The following USP47 variants were observed in gnomAD, a reference collection of about 807,000 sequenced individuals.
USP47 encodes the protein ubiquitin specific peptidase 47.
In USP47, 35 loss-of-function variants were observed where a neutral mutation model predicts 165.1. The ratio of observed to expected loss-of-function variants is 0.21; its 90% CI spans 0.16 to 0.28. USP47 has a LOEUF of 0.28. Among genes scored for constraint, USP47 ranks in the 10% least tolerant of loss-of-function variants. The pLI is 1.00. For missense variants in USP47, 1,277 were observed against 1,607.4 expected, an observed-to-expected ratio of 0.79 and a Z score of 3.52; for synonymous variants, 531 against 544.5, an observed-to-expected ratio of 0.98 and a Z score of 0.35.
chr11:11,955,202 A>C, intron 27 of USP47, 38 bp downstream of exon 27: 1 of 1,599,682 alleles, frequency 6.3e-7, no homozygotes, highest in East Asian at 2.2e-5. Flanking sequence ...TTAGTAATAC[A>C]TTTTTGGCGT....
chr11:11,847,812 G>A (rs1253901645), intron 1 of USP47, among the ~76,000 whole-genome samples: 1 of 152,150 alleles, frequency 6.6e-6, no homozygotes, highest in East Asian at 1.9e-4. Context: ...AAACAGATGA[G>A]ATTAAGATTT....
intron 8 of USP47, among the ~76,000 whole-genome samples, chr11:11,911,642 A>G (rs1166093314): frequency 1.3e-5 from 2 of 152,186 alleles, no homozygotes; most frequent in African/African-American, 2.4e-5. Flanking sequence ...GGAAAAAGAC[A>G]AATCTACAAT....
intron 1 of USP47, among the ~76,000 whole-genome samples, chr11:11,872,015 T>C (rs1414009528): frequency 6.6e-6 from 1 of 152,234 alleles, no homozygotes; most frequent in Non-Finnish European, 1.5e-5. Flanking sequence ...GATTATCTTT[T>C]GCTATATAAC....
At chr11:11,879,813 A>G (rs186749379) in intron 1 of USP47, among the ~76,000 whole-genome samples, 185 of 152,198 alleles carry the variant, frequency 1.2e-3, no homozygotes, top group African/African-American at 4.3e-3. Flanking sequence ...TAGCATGGTA[A>G]TGACACATTT....
At chr11:11,855,588 A>C (rs1201427972) in intron 1 of USP47, among the ~76,000 whole-genome samples, 3 of 152,222 alleles carry the variant, frequency 2.0e-5, no homozygotes, top group African/African-American at 7.2e-5. Flanking sequence ...AAAGATGTGA[A>C]TCCAATACCT....
chr11:11,889,307 G>A (rs539531032), intron 3 of USP47, among the ~76,000 whole-genome samples: 48 of 152,076 alleles, frequency 3.2e-4, no homozygotes, highest in African/African-American at 9.9e-4. Context: ...AAACCCCATC[G>A]TCTTATGATG....
At chr11:11,856,831 G>A (rs72856345) in intron 1 of USP47, 20,847 of 152,656 alleles carry the variant, frequency 0.14, 1,690 homozygotes, top group Middle Eastern at 0.39. Context: ...CTTCCTGTGT[G>A]CTTTACCACT....
intron 27 of USP47, 119 bp from the exon 28 acceptor site, chr11:11,955,882 A>G (rs774073512): frequency 2.7e-4 from 215 of 800,834 alleles, no homozygotes; most frequent in Non-Finnish European, 3.8e-4. Context: ...ATAAAATAAT[A>G]TTACTTCACC....
At chr11:11,848,374 A>G (rs1257240378) in intron 1 of USP47, among the ~76,000 whole-genome samples, 1 of 152,220 alleles carries the variant, frequency 6.6e-6, no homozygotes, top group East Asian at 1.9e-4. Flanking sequence ...GTTGTAATAC[A>G]TCATAAGTCT....
intron 11 of USP47, among the ~76,000 whole-genome samples, chr11:11,926,574 C>G (rs921611664): frequency 1.3e-5 from 2 of 151,918 alleles, no homozygotes; most frequent in Admixed American, 6.6e-5. Flanking sequence ...CTTTCTTAGC[C>G]TAGCTAAGGG....
rs764729398 is a variant in USP47, at chr11:11,905,385, T to C, written c.820-14T>C. The C allele has an allele frequency of 4.5e-6, 7 of 1,556,754 alleles. No individual in the cohort carries two copies. The Admixed American group carries it at 8.8e-5, about 20-fold the overall frequency. On this transcript the variant is annotated splice_polypyrimidine_tract_variant and intron_variant, in intron 7 of 27. Coordinates refer to ENST00000527733, the MANE Select transcript of USP47 (RefSeq NM_001282659.2). Reference sequence around the variant, plus strand: ...TTTAAGGAACACTTAAAAATGTAAATATTTTATTTTTAGGCTGATCTTATA... The same window carrying C: ...TTTAAGGAACACTTAAAAATGTAAACATTTTATTTTTAGGCTGATCTTATA...
intron 1 of USP47, chr11:11,873,884 A>G (rs1384475747): frequency 7.3e-7 from 1 of 1,376,710 alleles, no homozygotes; most frequent in East Asian, 2.7e-5. Flanking sequence ...TAATTGCTTT[A>G]ATGTGATAAT....
chr11:11,955,970 G>A (rs377134643), intron 27 of USP47, 31 bp from the exon 28 acceptor site: 1 of 1,508,604 alleles, frequency 6.6e-7, no homozygotes, highest in Non-Finnish European at 8.9e-7. Flanking sequence ...GGCTCTACTG[G>A]ACTAATATGT....
chr11:11,951,983 C>T (rs1856255179), intron 24 of USP47: 1 of 152,122 alleles, frequency 6.6e-6, no homozygotes. Flanking sequence ...TGGGTGCCTG[C>T]ATCAGTATTA....
At chr11:11,862,462 C>G (rs909750576) in intron 1 of USP47, among the ~76,000 whole-genome samples, 2 of 151,678 alleles carry the variant, frequency 1.3e-5, no homozygotes, top group Non-Finnish European at 2.9e-5. Context: ...TTATGATTTT[C>G]TGAAGTATTA....
At chr11:11,944,724 C>G (rs1855710610) in intron 20 of USP47, among the ~76,000 whole-genome samples, 1 of 152,182 alleles carries the variant, frequency 6.6e-6, no homozygotes, top group Non-Finnish European at 1.5e-5. Context: ...CTGTTCTTTC[C>G]TTGCATCTTA....
Position 11,923,007 on chromosome 11 carries a change from A to G in USP47, c.1386+116A>G, listed in dbSNP as rs1853951583. 10 of 686,924 alleles carry G rather than the reference A, an allele frequency of 1.5e-5. 2 individuals are homozygous for G. In the South Asian group the frequency reaches 2.3e-4, roughly 16 times the overall value. The allele number at this position is 686,924 out of a possible 1,614,324, so 42.6% of individuals were successfully genotyped here. A position where few individuals can be genotyped will look rare whatever the true frequency, so the allele number is the denominator to read the frequency against. On this transcript the variant is annotated intron_variant, in intron 11 of 27. Coordinates refer to ENST00000527733, the MANE Select transcript of USP47 (RefSeq NM_001282659.2). ...ATCTTTAAAAGAAACTTAATTTTTG[A>G]AAGTTAAGACTTCTCAAATATAGTT...
intron 1 of USP47, among the ~76,000 whole-genome samples, chr11:11,865,091 T>G (rs2134212594): frequency 6.6e-6 from 1 of 152,278 alleles, no homozygotes; most frequent in Non-Finnish European, 1.5e-5. Context: ...CTCTTTGTCT[T>G]TAGTTCTTAA....
At chr11:11,902,660 C>CT in intron 5 of USP47, 55 bp from the exon 6 acceptor site, 2 of 1,225,744 alleles carry the variant, frequency 1.6e-6, no homozygotes, top group Non-Finnish European at 2.2e-6. Flanking sequence ...ATTAATTATG[C>CT]TTTTAAATAA....
Sources: allele counts gnomAD v4.1 joint callset (sites outside exome capture counted in the v4.1 genomes callset), GRCh38; gene constraint gnomAD v4.1.1; transcripts MANE v1.5; gene names NCBI Gene and HGNC (gene_info 2026-07-23, HGNC 2026-07-21).